Variants in PLET1 observed in about 807,000 individuals in gnomAD.
PLET1 encodes the protein placenta expressed transcript 1, also known as placenta-expressed transcript 1 protein.
In PLET1, 20 loss-of-function variants were observed where a neutral mutation model predicts 18.5. The ratio of observed to expected loss-of-function variants is 1.08; its 90% CI spans 0.76 to 1.57. The LOEUF (loss-of-function observed/expected upper bound fraction) is 1.57. Among genes scored for constraint, PLET1 ranks in the 40% most tolerant of loss-of-function variants. The pLI is 0.00. For missense variants in PLET1, 256 were observed against 246.4 expected (o/e 1.04, Z -0.26); for synonymous variants, 93 against 93.8 (o/e 0.99, Z 0.05).
chr11:112,256,147 A>G (rs1462640222), intron 1 of PLET1, among the ~76,000 whole-genome samples: 1 of 152,208 alleles, frequency 6.6e-6, no homozygotes, highest in East Asian at 1.9e-4. Context: ...CCTTTGAGCC[A>G]CAGGGGCCCT....
At chr11:112,254,709 G>C (rs1206817808) in intron 2 of PLET1, among the ~76,000 whole-genome samples, 3 of 126,212 alleles carry the variant, frequency 2.4e-5, no homozygotes, top group Non-Finnish European at 3.4e-5. Flanking sequence ...TGGTATGTAT[G>C]TGTGTGTTGT....
At chr11:112,250,089 A>T (rs1321333595) in intron 3 of PLET1, among the ~76,000 whole-genome samples, 1 of 149,958 alleles carries the variant, frequency 6.7e-6, no homozygotes, top group African/African-American at 2.5e-5. Flanking sequence ...AATCTTTAGC[A>T]CTTCCCCAGG....
At chr11:112,254,858 GTA>G (rs1371542840) in intron 2 of PLET1, among the ~76,000 whole-genome samples, 31 of 135,740 alleles carry the variant, frequency 2.3e-4, no homozygotes, top group African/African-American at 3.6e-4. Flanking sequence ...TGTGTGTGTG[GTA>G]TGTGTGTGTG....
chr11:112,250,247 CT>C (rs1234774681), intron 3 of PLET1, among the ~76,000 whole-genome samples: 1 of 79,558 alleles, frequency 1.3e-5, no homozygotes, highest in Non-Finnish European at 2.4e-5. Flanking sequence ...TTTTTTTTTC[CT>C]TTTTGGCATT....
At chr11:112,258,216 C>G (rs1391171933) in intron 1 of PLET1, among the ~76,000 whole-genome samples, 1 of 151,388 alleles carries the variant, frequency 6.6e-6, no homozygotes, top group African/African-American at 2.4e-5. Flanking sequence ...TCCTGTCTTT[C>G]TGCTTTCAGA....
At chr11:112,260,313 T>C in intron 1 of PLET1, 93 bp downstream of exon 1, 3 of 1,216,414 alleles carry the variant, frequency 2.5e-6, no homozygotes, top group South Asian at 1.6e-5. Flanking sequence ...ATGTTTTGTA[T>C]AATTGAGAGT....
intron 3 of PLET1, among the ~76,000 whole-genome samples, chr11:112,251,713 T>C (rs1305740629): frequency 6.6e-6 from 1 of 152,100 alleles, no homozygotes; most frequent in Non-Finnish European, 1.5e-5. Flanking sequence ...CACCCAGCCT[T>C]AAATTTGTTA....
intron 3 of PLET1, among the ~76,000 whole-genome samples, chr11:112,251,512 T>G (rs1480145723): frequency 1.3e-5 from 2 of 152,144 alleles, no homozygotes; most frequent in Admixed American, 6.5e-5. Flanking sequence ...GAGGCAGAAG[T>G]TGCAGTGAGC....
intron 1 of PLET1, 123 bp downstream of exon 1, chr11:112,260,283 C>A: frequency 2.1e-6 from 2 of 974,604 alleles, no homozygotes; most frequent in Non-Finnish European, 2.9e-6. Flanking sequence ...CCCTTGCTTC[C>A]CATTTGGTTC....
Position 112,252,384 on chromosome 11 carries a change from G to A in PLET1, c.412C>T (p.Leu138=). 6.4e-7 allele frequency: 1 copy of A among 1,551,476 alleles called. No homozygotes were observed. Among genetic ancestry groups the A allele is most frequent in the Non-Finnish European group, 8.7e-7 (1 of 1,146,784 alleles). The part of the protein sequence containing the change: ...IQAFTVQIRA[L]PILSTLKLRE... Reference sequence around the variant, plus strand: ...AGCTTCAGAGTAGAAAGTATAGGCAGCGCTCTGATCTGGACAGTGAAAGCT... The same window carrying A: ...AGCTTCAGAGTAGAAAGTATAGGCAACGCTCTGATCTGGACAGTGAAAGCT... Residue 138 remains leucine, a synonymous_variant, in exon 3 of 4, where the codon CTG becomes TTG. Transcript: ENST00000338832.
At chr11:112,257,647 G>C (rs1055396899) in intron 1 of PLET1, among the ~76,000 whole-genome samples, 2 of 152,004 alleles carry the variant, frequency 1.3e-5, no homozygotes, top group African/African-American at 4.8e-5. Context: ...GCTCAGCACA[G>C]TCTTAATGTA....
chr11:112,251,488 G>T (rs1054031561), intron 3 of PLET1, among the ~76,000 whole-genome samples: 4 of 152,326 alleles, frequency 2.6e-5, no homozygotes, highest in Admixed American at 2.6e-4. Context: ...GGAGGCTGAG[G>T]CAGGAGAACC....
At chr11:112,257,348 T>A (rs1566830601) in intron 1 of PLET1, among the ~76,000 whole-genome samples, 2 of 149,228 alleles carry the variant, frequency 1.3e-5, no homozygotes, top group Non-Finnish European at 3.0e-5. Flanking sequence ...TCTGGACCAA[T>A]TTATCCCTTT....
At chr11:112,258,471 A>G (rs1403181608) in intron 1 of PLET1, among the ~76,000 whole-genome samples, 1 of 151,614 alleles carries the variant, frequency 6.6e-6, no homozygotes, top group Non-Finnish European at 1.5e-5. Flanking sequence ...TTTAGTAAAG[A>G]CTACGTTTTG....
In PLET1 at chr11:112,255,441, T is replaced by TAAGACCGTC. The variant is rs1275453139; in HGVS notation, c.324_332dup (p.Thr109_Leu111dup). 1.3e-6 allele frequency: 2 copies of TAAGACCGTC among 1,552,364 alleles called. No individual in the cohort carries two copies. Among genetic ancestry groups the TAAGACCGTC allele is most frequent in the Admixed American group, 3.9e-5 (2 of 51,012 alleles). Reference sequence around the variant, plus strand: ...GTTCAGGAGCTTGCCACTGTGCCTCTAAGACCGTCATGTATTGATCTTTCA... The same window carrying TAAGACCGTC: ...GTTCAGGAGCTTGCCACTGTGCCTCTAAGACCGTCAAGACCGTCATGTATTGATCTTTCA... On this transcript the variant is annotated inframe_insertion, in exon 2 of 4. Transcript: ENST00000338832.
chr11:112,256,695 A>G (rs984582436), intron 1 of PLET1, among the ~76,000 whole-genome samples: 17 of 152,204 alleles, frequency 1.1e-4, no homozygotes, highest in African/African-American at 4.1e-4. Flanking sequence ...TATGCACACA[A>G]CAGTTCTGTG....
intron 2 of PLET1, among the ~76,000 whole-genome samples, chr11:112,252,691 A>G (rs187651259): frequency 1.8e-4 from 28 of 152,258 alleles, no homozygotes; most frequent in African/African-American, 6.3e-4. Flanking sequence ...TGTTCAAGCC[A>G]GTCCCTCTGC....
chr11:112,252,492 G>A (rs1423573769), intron 2 of PLET1, 83 bp from the exon 3 acceptor site: 10 of 1,196,236 alleles, frequency 8.4e-6, no homozygotes, highest in African/African-American at 1.5e-5. Flanking sequence ...GGACTTCCCC[G>A]CCGCTTAATT....
At chr11:112,254,308 TGA>T (rs1860189031) in intron 2 of PLET1, among the ~76,000 whole-genome samples, 1 of 144,470 alleles carries the variant, frequency 6.9e-6, no homozygotes, top group Non-Finnish European at 1.5e-5. Context: ...GTGTGTAGTG[TGA>T]GTAGCATGTG....
Sources: allele counts gnomAD v4.1 joint callset (sites outside exome capture counted in the v4.1 genomes callset), GRCh38; gene constraint gnomAD v4.1.1; transcripts MANE v1.5; gene names NCBI Gene and HGNC (gene_info 2026-07-23, HGNC 2026-07-21).